The following PRICKLE2 variants were observed in gnomAD, a reference collection of about 807,000 sequenced individuals.
The protein encoded by PRICKLE2 is prickle-like protein 2.
A neutral mutation model predicts 81.4 loss-of-function variants in PRICKLE2; 21 were observed. The observed-to-expected ratio is 0.26, with a 90% CI of 0.18 to 0.37. PRICKLE2 has a LOEUF of 0.37. Among genes scored for constraint, PRICKLE2 ranks in the 10% least tolerant of loss-of-function variants. PRICKLE2 has a pLI of 1.00. For missense variants in PRICKLE2, 940 were observed against 1,109.0 expected, an observed-to-expected ratio of 0.85 and a Z score of 2.16; for synonymous variants, 456 against 421.5, an observed-to-expected ratio of 1.08 and a Z score of -1.00.
intron 1 of PRICKLE2, among the ~76,000 whole-genome samples, chr3:64,220,126 C>T (rs2078929161): frequency 6.6e-6 from 1 of 152,110 alleles, no homozygotes; most frequent in East Asian, 1.9e-4. Flanking sequence ...GATTTTGTGA[C>T]CATAGAAAAT....
In PRICKLE2 at chr3:64,223,257, C is replaced by T. The variant is rs558076470; in HGVS notation, c.-41+1653G>A. On this transcript the variant is annotated intron_variant, in intron 1 of 7. Coordinates refer to ENST00000638394, the MANE Select transcript of PRICKLE2 (RefSeq NM_198859.4). ...TATTTACTGAATATTTACTATGTGG[C>T]TGCCACTGTGCTCTGCATAGGTCAT... 3.9e-5 allele frequency among the ~76,000 whole-genome samples: 6 copies of T among 152,304 alleles called. No homozygotes were observed. In the Middle Eastern group the frequency reaches 0.02, roughly 518 times the overall value.
At chr3:64,199,745 G>C (rs1279286731) in intron 1 of PRICKLE2, 1 of 152,090 alleles carries the variant, frequency 6.6e-6, no homozygotes, top group African/African-American at 2.4e-5. Flanking sequence ...CATAGCTACA[G>C]AAATGATGAA....
At chr3:64,226,142 C>A (rs1224710975), upstream of PRICKLE2, among the ~76,000 whole-genome samples, 2 of 152,156 alleles carry the variant, frequency 1.3e-5, no homozygotes, top group Admixed American at 1.3e-4. Flanking sequence ...GAGAGCATTG[C>A]TTCCATCTCC....
intron 7 of PRICKLE2, among the ~76,000 whole-genome samples, chr3:64,140,664 T>C (rs2077346879): frequency 6.6e-6 from 1 of 152,142 alleles, no homozygotes; most frequent in Non-Finnish European, 1.5e-5. Context: ...AACTAATGCC[T>C]TGGTCCCCCA....
chr3:64,171,657 C>A (rs1211667645), intron 2 of PRICKLE2, among the ~76,000 whole-genome samples: 1 of 152,228 alleles, frequency 6.6e-6, no homozygotes. Flanking sequence ...CAAATCTTAC[C>A]TTTCTAGCTG....
At chr3:64,247,953 T>C (rs1026302327) in intron 2 of PRICKLE2, among the ~76,000 whole-genome samples, 1 of 152,210 alleles carries the variant, frequency 6.6e-6, no homozygotes, top group African/African-American at 2.4e-5. Flanking sequence ...AGCCATTTAT[T>C]CTTTAGAAGG....
intron 2 of PRICKLE2, among the ~76,000 whole-genome samples, chr3:64,258,764 C>T (rs1251297514): frequency 2.1e-5 from 3 of 141,518 alleles, no homozygotes; most frequent in Non-Finnish European, 4.5e-5. Flanking sequence ...GCAGAGCTTG[C>T]AGTGAGCCGA....
At chr3:64,124,352 G>A (rs2077074973) in intron 7 of PRICKLE2, among the ~76,000 whole-genome samples, 1 of 152,230 alleles carries the variant, frequency 6.6e-6, no homozygotes, top group East Asian at 1.9e-4. Context: ...GAAGCAGCAA[G>A]TGCTAATGGA....
chr3:64,123,460 G>C (rs905202836), intron 7 of PRICKLE2, among the ~76,000 whole-genome samples: 2 of 152,226 alleles, frequency 1.3e-5, no homozygotes, highest in African/African-American at 4.8e-5. Context: ...CAACTGGTAA[G>C]CCATATGCAA....
intron 2 of PRICKLE2, among the ~76,000 whole-genome samples, chr3:64,237,635 G>C (rs1046234968): frequency 1.3e-5 from 2 of 152,022 alleles, no homozygotes; most frequent in African/African-American, 4.8e-5. Context: ...GGTTAGTTTT[G>C]GAAAAGGCAA....
At chr3:64,169,232 A>G (rs2107058589) in intron 2 of PRICKLE2, among the ~76,000 whole-genome samples, 1 of 152,234 alleles carries the variant, frequency 6.6e-6, no homozygotes. Flanking sequence ...CAATGGCTAG[A>G]GCTCCAGCAG....
intron 2 of PRICKLE2, among the ~76,000 whole-genome samples, chr3:64,236,820 T>C (rs1481249897): frequency 6.6e-6 from 1 of 152,192 alleles, no homozygotes; most frequent in Non-Finnish European, 1.5e-5. Flanking sequence ...ACGGTGACAA[T>C]TGTATTATCT....
At chr3:64,232,621 T>C (rs1350898066) in intron 2 of PRICKLE2, among the ~76,000 whole-genome samples, 1 of 148,096 alleles carries the variant, frequency 6.8e-6, no homozygotes, top group Non-Finnish European at 1.5e-5. Flanking sequence ...GGCTAAGTCC[T>C]GGGACTCCTG....
chr3:64,185,793 A>G (rs558614037), intron 2 of PRICKLE2, among the ~76,000 whole-genome samples: 1 of 152,364 alleles, frequency 6.6e-6, no homozygotes, highest in African/African-American at 2.4e-5. Flanking sequence ...TCGAGGTATC[A>G]ACATATAATA....
At chr3:64,195,091 TA>T (rs2078425179) in intron 2 of PRICKLE2, among the ~76,000 whole-genome samples, 3 of 152,144 alleles carry the variant, frequency 2.0e-5, no homozygotes, top group Admixed American at 1.3e-4. Context: ...GATGATCAAC[TA>T]GGGGCATATT....
At chr3:64,110,815 C>A (rs1032563664) in intron 7 of PRICKLE2, among the ~76,000 whole-genome samples, 6 of 152,104 alleles carry the variant, frequency 3.9e-5, no homozygotes, top group East Asian at 3.9e-4. Context: ...AGGAGCCACA[C>A]GGAGGTTCTT....
chr3:64,236,014 C>G lies in PRICKLE2; in HGVS notation c.129-37047G>C, dbSNP rs77474630. ...GGTTAAAATGCCATAGACTCTCACT[C>G]TTCTTACTAAGATTTAGATTTCCTT... On this transcript the variant is annotated intron_variant, in intron 2 of 8. Coordinates refer to the PRICKLE2 transcript ENST00000295902. Among the ~76,000 whole-genome samples the G allele has an allele frequency of 5.6e-3, 857 of 152,284 alleles. 14 individuals are homozygous for G. Among genetic ancestry groups the G allele is most frequent in the African/African-American group, 0.019 (803 of 41,538 alleles).
At chr3:64,184,701 G>A (rs1279026156) in intron 2 of PRICKLE2, among the ~76,000 whole-genome samples, 1 of 152,066 alleles carries the variant, frequency 6.6e-6, no homozygotes, top group East Asian at 1.9e-4. Context: ...CAAACTCCTA[G>A]ACTCAAGCCA....
chr3:64,176,920 T>C (rs2078033999), intron 2 of PRICKLE2, among the ~76,000 whole-genome samples: 1 of 152,118 alleles, frequency 6.6e-6, no homozygotes, highest in Non-Finnish European at 1.5e-5. Flanking sequence ...CTGCGGGTTA[T>C]AGTTTGCGTA....
Sources: allele counts gnomAD v4.1 joint callset (sites outside exome capture counted in the v4.1 genomes callset), GRCh38; gene constraint gnomAD v4.1.1; transcripts MANE v1.5; gene names NCBI Gene and HGNC (gene_info 2026-07-23, HGNC 2026-07-21).